Variants in RASSF3 observed in about 807,000 individuals in gnomAD.
RASSF3 encodes ras association domain-containing protein 3.
RASSF3 carries 19 observed loss-of-function variants against 19.9 expected under a neutral mutation model. The observed-to-expected ratio is 0.96, with a 90% confidence interval of 0.67 to 1.40. RASSF3 has a LOEUF of 1.40. Among genes scored for constraint, RASSF3 ranks in the 40% most tolerant of loss-of-function variants. The pLI is 0.00. For synonymous variants in RASSF3, 110 were observed against 104.2 expected (o/e 1.06, Z -0.34); for missense variants, 306 against 289.8 (o/e 1.06, Z -0.41).
chr12:64,531,509 A>G (rs1254065486), upstream of RASSF3, among the ~76,000 whole-genome samples: 2 of 152,230 alleles, frequency 1.3e-5, no homozygotes, highest in East Asian at 3.8e-4. Flanking sequence ...TGTTAATCAC[A>G]GTGTTGTGCA....
At chr12:64,654,659 G>C (rs1429498316) in intron 1 of RASSF3, 2 of 109,742 alleles carry the variant, frequency 1.8e-5, no homozygotes, top group African/African-American at 3.6e-5. Flanking sequence ...GGGGGGGGTG[G>C]GGGGAAGCCA....
At chr12:64,665,574 G>T (rs1255854139) in intron 1 of RASSF3, among the ~76,000 whole-genome samples, 1 of 152,130 alleles carries the variant, frequency 6.6e-6, no homozygotes, top group Non-Finnish European at 1.5e-5. Context: ...GCCCACCAGT[G>T]CCATGTCAGT....
At chr12:64,667,586 A>G (rs1411630353) in intron 1 of RASSF3, among the ~76,000 whole-genome samples, 2 of 152,200 alleles carry the variant, frequency 1.3e-5, no homozygotes, top group Admixed American at 1.3e-4. Context: ...TTCCCATTTT[A>G]CAAGTGTTCA....
At chr12:64,648,555 T>G (rs1325749140) in intron 1 of RASSF3, among the ~76,000 whole-genome samples, 1 of 151,476 alleles carries the variant, frequency 6.6e-6, no homozygotes, top group Non-Finnish European at 1.5e-5. Flanking sequence ...CGTTCCTGGC[T>G]CACTGCAACC....
chr12:64,660,014 A>ATGTGTG (rs35834353), intron 1 of RASSF3, among the ~76,000 whole-genome samples: 11 of 148,244 alleles, frequency 7.4e-5, no homozygotes, highest in African/African-American at 2.5e-4. Context: ...GTGTATATAT[A>ATGTGTG]TGTGTGTGTG....
At chr12:64,521,147 C>T (rs73315542) in intron 1 of RASSF3, among the ~76,000 whole-genome samples, 4,059 of 152,194 alleles carry the variant, frequency 0.027, 157 homozygotes, top group African/African-American at 0.092. Flanking sequence ...GGCCCAGTGC[C>T]GCTCCCCCAG....
chr12:64,696,115 C>T lies in RASSF3; in HGVS notation c.*1203C>T, dbSNP rs373545623. The T allele has an allele frequency of 3.0e-5, 4 of 132,620 alleles. No homozygotes were observed. Among genetic ancestry groups the T allele is most frequent in the Middle Eastern group, 4.1e-3 (1 of 246 alleles). 8.2% of individuals were successfully genotyped at this position (132,620 alleles called of 1,614,324 possible). On this transcript the variant is annotated 3_prime_UTR_variant, in exon 5 of 5. Transcript: ENST00000542104. ...CCTCCCTCCCTCCCTCCCTCCCTCC[C>T]TCCCTCCTTCCCTCCCTCTCTCTCC...
intron 1 of RASSF3, among the ~76,000 whole-genome samples, chr12:64,640,244 A>G (rs1871467632): frequency 1.3e-5 from 2 of 152,170 alleles, no homozygotes; most frequent in Admixed American, 6.5e-5. Flanking sequence ...CACCAGTGAT[A>G]CCACCACACT....
intron 1 of RASSF3, among the ~76,000 whole-genome samples, chr12:64,541,282 G>C (rs527363200): frequency 1.3e-5 from 2 of 152,052 alleles, no homozygotes; most frequent in African/African-American, 2.4e-5. Context: ...CACAGCGCCC[G>C]GCCAATGTTG....
chr12:64,512,068 G>A (rs1171945357), intron 1 of RASSF3, among the ~76,000 whole-genome samples: 1 of 152,184 alleles, frequency 6.6e-6, no homozygotes, highest in African/African-American at 2.4e-5. Flanking sequence ...CTGCTTATTA[G>A]ACAGCACCCC....
chr12:64,615,528 C>T (rs1477436687), intron 1 of RASSF3, among the ~76,000 whole-genome samples: 3 of 152,124 alleles, frequency 2.0e-5, no homozygotes, highest in Non-Finnish European at 4.4e-5. Flanking sequence ...TTTTGTGCCT[C>T]AATTATTTGG....
intron 2 of RASSF3, among the ~76,000 whole-genome samples, chr12:64,578,995 C>A (rs958503595): frequency 6.6e-6 from 1 of 152,004 alleles, no homozygotes; most frequent in Non-Finnish European, 1.5e-5. Context: ...GGTGTGGTGG[C>A]GCATGCCTGT....
rs537241169 is a variant in RASSF3 at position 64,639,149 on chromosome 12, A to AT, written c.111+28414dup. 2.8e-3 allele frequency among the ~76,000 whole-genome samples: 421 copies of AT among 152,106 alleles called. 1 individual carries two copies. The highest frequency in any genetic ancestry group is 9.7e-3 in the African/African-American group (403 of 41,500). On this transcript the variant is annotated intron_variant, in intron 1 of 4. Coordinates refer to ENST00000542104, the MANE Select transcript of RASSF3 (RefSeq NM_178169.4). ...ATTATTTTTTTAAACCTGTATGCTG[A>AT]TTTTTTTTGAAGCTGTAATGGCGCT...
chr12:64,582,147 C>T (rs1592407818), intron 2 of RASSF3, among the ~76,000 whole-genome samples: 1 of 152,096 alleles, frequency 6.6e-6, no homozygotes, highest in Non-Finnish European at 1.5e-5. Flanking sequence ...TCCACTGTGC[C>T]CAGCTGACGA....
chr12:64,597,861 T>G (rs1565846237), intron 2 of RASSF3, among the ~76,000 whole-genome samples: 1 of 152,196 alleles, frequency 6.6e-6, no homozygotes, highest in Non-Finnish European at 1.5e-5. Context: ...TTACGTATCC[T>G]TCTCCTTTAA....
At chr12:64,670,618 A>G (rs952737181) in intron 1 of RASSF3, among the ~76,000 whole-genome samples, 1 of 148,116 alleles carries the variant, frequency 6.8e-6, no homozygotes, top group Non-Finnish European at 1.5e-5. Flanking sequence ...CAGCACTTGC[A>G]TGGTCCTTAG....
Position 64,690,862 on chromosome 12 carries a change from A to T in RASSF3, c.458-608A>T, listed in dbSNP as rs186999700. Among the ~76,000 whole-genome samples, 1,435 of 150,794 alleles carry T rather than the reference A, an allele frequency of 9.5e-3. 23 individuals are homozygous for T. The highest frequency in any genetic ancestry group is 0.033 in the African/African-American group (1,376 of 41,090). ...GCCTTTTTTTTTTCATTTAAAAAAAATTTTATTTATTTTTTGAGACAGAGT... is the reference window on the plus strand; with the variant it reads ...GCCTTTTTTTTTTCATTTAAAAAAATTTTTATTTATTTTTTGAGACAGAGT... On this transcript the variant is annotated intron_variant, in intron 3 of 4. Transcript: ENST00000542104.
chr12:64,694,064 C>T (rs1481644128), intron 4 of RASSF3, among the ~76,000 whole-genome samples: 1 of 152,052 alleles, frequency 6.6e-6, no homozygotes, highest in Non-Finnish European at 1.5e-5. Flanking sequence ...GGGGAGAATG[C>T]GTGCCACTTG....
intron 1 of RASSF3, among the ~76,000 whole-genome samples, chr12:64,625,840 T>C (rs1040320207): frequency 6.6e-6 from 1 of 152,118 alleles, no homozygotes; most frequent in Admixed American, 6.6e-5. Flanking sequence ...CTGCTTATGC[T>C]CCAGTGCAGG....
Sources: allele counts gnomAD v4.1 joint callset (sites outside exome capture counted in the v4.1 genomes callset), GRCh38; gene constraint gnomAD v4.1.1; transcripts MANE v1.5; gene names NCBI Gene and HGNC (gene_info 2026-07-23, HGNC 2026-07-21).